Variants in KCNK2 observed in about 807,000 individuals in gnomAD.
KCNK2 encodes the protein potassium two pore domain channel subfamily K member 2, also known as potassium channel subfamily K member 2.
In KCNK2, 21 loss-of-function variants were observed where a neutral mutation model predicts 40.5. The observed-to-expected ratio is 0.52, with a 90% confidence interval of 0.37 to 0.75. The LOEUF is 0.75. Ranked by LOEUF, KCNK2 falls within the 30% of genes least tolerant of loss-of-function variation. The pLI, the probability that KCNK2 is intolerant of heterozygous loss-of-function variation, is 0.00. For synonymous variants in KCNK2, 191 were observed against 202.2 expected, an observed-to-expected ratio of 0.94 and a Z score of 0.47; for missense variants, 399 against 531.6, an observed-to-expected ratio of 0.75 and a Z score of 2.45.
chr1:215,110,272 C>T (rs1334531862), intron 2 of KCNK2, among the ~76,000 whole-genome samples: 3 of 151,948 alleles, frequency 2.0e-5, no homozygotes, highest in Non-Finnish European at 4.4e-5. Flanking sequence ...AGGTCTTAGC[C>T]ATAACATTTT....
intron 1 of KCNK2, among the ~76,000 whole-genome samples, chr1:215,027,769 T>G (rs1657047560): frequency 6.6e-6 from 1 of 152,204 alleles, no homozygotes; most frequent in Admixed American, 6.5e-5. Context: ...ATGAATTTCA[T>G]TTTTTAAAAG....
intron 1 of KCNK2, among the ~76,000 whole-genome samples, chr1:215,063,839 T>C (rs1027420918): frequency 2.0e-5 from 3 of 152,040 alleles, no homozygotes; most frequent in South Asian, 2.1e-4. Context: ...CAAATGGAAA[T>C]GGAGAAAGAA....
At chr1:215,085,191 T>C (rs1011667978) in intron 1 of KCNK2, among the ~76,000 whole-genome samples, 2 of 152,228 alleles carry the variant, frequency 1.3e-5, no homozygotes, top group Non-Finnish European at 2.9e-5. Flanking sequence ...AGATTATCAT[T>C]TTATAATCTA....
chr1:215,049,378 A>G (rs891896181), intron 1 of KCNK2, among the ~76,000 whole-genome samples: 1 of 152,146 alleles, frequency 6.6e-6, no homozygotes, highest in African/African-American at 2.4e-5. Context: ...AGATCTTTAT[A>G]TATTATAGAT....
rs531075186 is a variant in KCNK2, at chr1:215,132,982, G to C, written c.475+8232G>C. Among the ~76,000 whole-genome samples, 24 of 152,310 alleles carry C rather than the reference G, an allele frequency of 1.6e-4. No homozygotes were observed. The South Asian group carries it at 4.6e-3, about 29-fold the overall frequency. On this transcript the variant is annotated intron_variant, in intron 3 of 6. Transcript: ENST00000444842. ...TCCTGTGCTAGCTGTAAAGGGATTT[G>C]AGAACATTAGGGATATAATCTTCCC...
chr1:215,141,317 A>G (rs1662163190), intron 3 of KCNK2, among the ~76,000 whole-genome samples: 1 of 152,164 alleles, frequency 6.6e-6, no homozygotes, highest in East Asian at 1.9e-4. Flanking sequence ...ACTGTACATA[A>G]TTGTACGTGC....
intron 1 of KCNK2, among the ~76,000 whole-genome samples, chr1:215,015,260 C>A (rs940494286): frequency 2.6e-5 from 4 of 152,004 alleles, no homozygotes; most frequent in Admixed American, 2.6e-4. Flanking sequence ...ATATTGGACT[C>A]CCTCATATTG....
At chr1:215,030,749 G>A (rs533691022) in intron 1 of KCNK2, among the ~76,000 whole-genome samples, 5 of 146,018 alleles carry the variant, frequency 3.4e-5, no homozygotes, top group East Asian at 4.0e-4. Context: ...GTTTTGTCAC[G>A]TTGCCCAGGC....
At chr1:215,011,106 C>G (rs1656369340) in intron 1 of KCNK2, among the ~76,000 whole-genome samples, 2 of 151,622 alleles carry the variant, frequency 1.3e-5, no homozygotes, top group Admixed American at 1.3e-4. Context: ...AGTCTTGTAA[C>G]CACAACCACA....
intron 1 of KCNK2, among the ~76,000 whole-genome samples, chr1:215,074,300 A>G (rs1658858321): frequency 6.6e-6 from 1 of 152,176 alleles, no homozygotes; most frequent in Non-Finnish European, 1.5e-5. Context: ...ATGATGCAAA[A>G]AGGTAAAAGG....
At position 215,013,618 on chromosome 1, in the gene KCNK2, C is replaced by T. The variant is rs574030601; in HGVS notation, c.34+7663C>T. On this transcript the variant is annotated intron_variant, in intron 1 of 6. Transcript: ENST00000391895. ...GGCTATTCTTTGATTTCTCTTTGAA[C>T]ACCACCAAACGGATTTTGCATATTT... 3.9e-5 allele frequency among the ~76,000 whole-genome samples: 6 copies of T among 152,220 alleles called. No homozygotes were observed. In the South Asian group the frequency reaches 1.2e-3, roughly 32 times the overall value.
At chr1:215,085,263 A>G (rs997559278) in intron 1 of KCNK2, among the ~76,000 whole-genome samples, 2 of 152,170 alleles carry the variant, frequency 1.3e-5, no homozygotes, top group South Asian at 4.1e-4. Context: ...TAAGCTGATT[A>G]TTCTGTTTGA....
At chr1:215,167,260 A>C (rs762480228) in intron 3 of KCNK2, among the ~76,000 whole-genome samples, 13 of 152,114 alleles carry the variant, frequency 8.5e-5, no homozygotes, top group Non-Finnish European at 1.9e-4. Flanking sequence ...AATGGATTCC[A>C]ACAAGTAAAA....
intron 2 of KCNK2, among the ~76,000 whole-genome samples, chr1:215,096,014 T>C: frequency 6.6e-6 from 1 of 152,108 alleles, no homozygotes; most frequent in East Asian, 1.9e-4. Context: ...GGGAAATAGT[T>C]GCAAAGACAC....
intron 2 of KCNK2, among the ~76,000 whole-genome samples, chr1:215,104,673 A>AT (rs1660359287): frequency 6.6e-6 from 1 of 152,106 alleles, no homozygotes; most frequent in South Asian, 2.1e-4. Flanking sequence ...TTATAAATGG[A>AT]TTTTTAAAAA....
At chr1:215,086,231 T>A in intron 1 of KCNK2, 137 bp from the exon 2 acceptor site, 1 of 668,546 alleles carries the variant, frequency 1.5e-6, no homozygotes, top group Non-Finnish European at 2.6e-6. Context: ...GTGACAGCAC[T>A]CCTGGTTTGG....
intron 2 of KCNK2, among the ~76,000 whole-genome samples, chr1:215,115,486 G>A (rs535239104): frequency 3.3e-5 from 5 of 152,112 alleles, no homozygotes; most frequent in African/African-American, 4.8e-5. Context: ...AGTGTAGCAC[G>A]CCTTGGGCAA....
At chr1:215,191,150 T>C (rs1392453222) in intron 5 of KCNK2, among the ~76,000 whole-genome samples, 1 of 151,820 alleles carries the variant, frequency 6.6e-6, no homozygotes, top group African/African-American at 2.4e-5. Flanking sequence ...TCAGGCGTGG[T>C]GGCAGGTGCC....
intron 1 of KCNK2, among the ~76,000 whole-genome samples, chr1:215,071,318 G>A (rs1025918285): frequency 2.0e-5 from 3 of 152,154 alleles, no homozygotes; most frequent in African/African-American, 7.2e-5. Context: ...ATCACATAGA[G>A]GGGTTTGCAG....
Sources: allele counts gnomAD v4.1 joint callset (sites outside exome capture counted in the v4.1 genomes callset), GRCh38; gene constraint gnomAD v4.1.1; transcripts MANE v1.5; gene names NCBI Gene and HGNC (gene_info 2026-07-23, HGNC 2026-07-21).